Variants in CDC42BPB observed in about 807,000 individuals in gnomAD.
CDC42BPB encodes the protein serine/threonine-protein kinase MRCK beta.
A neutral mutation model predicts 214.9 loss-of-function variants in CDC42BPB; 37 were observed. The ratio of observed to expected loss-of-function variants is 0.17; its 90% CI spans 0.13 to 0.23. CDC42BPB has a LOEUF of 0.23. CDC42BPB is among the 10% of genes least tolerant of loss of function. The probability of loss-of-function intolerance (pLI) is 1.00; values close to 1 mark genes in which losing one functional copy is unlikely to be tolerated. For synonymous variants in CDC42BPB, 931 were observed against 884.0 expected (o/e 1.05, Z -0.94); for missense variants, 1,694 against 2,227.0 (o/e 0.76, Z 4.82).
At chr14:103,002,874 A>ATAT (rs1895053382) in intron 4 of CDC42BPB, among the ~76,000 whole-genome samples, 1 of 152,150 alleles carries the variant, frequency 6.6e-6, no homozygotes, top group Non-Finnish European at 1.5e-5. Flanking sequence ...AAACACATAT[A>ATAT]TATAAAGTCT....
chr14:102,948,593 G>A (rs1441607123), intron 26 of CDC42BPB, among the ~76,000 whole-genome samples: 1 of 57,876 alleles, frequency 1.7e-5, no homozygotes, highest in East Asian at 6.8e-4. Flanking sequence ...TGGGTGCGGA[G>A]GTGGGGTGGG....
At chr14:102,946,985 T>A in intron 27 of CDC42BPB, 1 of 428,616 alleles carries the variant, frequency 2.3e-6, no homozygotes, top group Non-Finnish European at 3.1e-6. Flanking sequence ...GAATAATCAT[T>A]ATAAAAGTAG....
chr14:103,049,744 G>T (rs1198381268), intron 1 of CDC42BPB, among the ~76,000 whole-genome samples: 3 of 152,174 alleles, frequency 2.0e-5, no homozygotes. Flanking sequence ...ACAAAATTTT[G>T]CTCTTGTTGC....
intron 1 of CDC42BPB, among the ~76,000 whole-genome samples, chr14:103,017,869 A>G (rs1886551846): frequency 6.6e-6 from 1 of 152,242 alleles, no homozygotes; most frequent in Non-Finnish European, 1.5e-5. Context: ...CAATGTATCA[A>G]TGCTACATTC....
In CDC42BPB at chr14:102,978,107, A is replaced by C; in HGVS notation, c.1220+19T>G. 1 of 1,570,764 alleles carries C rather than the reference A, an allele frequency of 6.4e-7. No homozygotes were observed. Among genetic ancestry groups the C allele is most frequent in the Middle Eastern group, 1.7e-4 (1 of 6,004 alleles). The stretch of plus-strand genomic sequence containing the variant: ...CACAGGGGAAGTGTCTCCCTGGGGA[A>C]TGATAAATCCAGACATACCTTTCCG... On this transcript the variant is annotated intron_variant, in intron 9 of 36. Transcript: ENST00000361246.
At chr14:102,942,037 C>A (rs1230430047) in intron 30 of CDC42BPB, among the ~76,000 whole-genome samples, 2 of 152,238 alleles carry the variant, frequency 1.3e-5, no homozygotes, top group Non-Finnish European at 2.9e-5. Flanking sequence ...ATACATTGCA[C>A]TAAGTGACCT....
intron 1 of CDC42BPB, among the ~76,000 whole-genome samples, chr14:103,039,115 A>G (rs189560870): frequency 1.3e-5 from 2 of 151,452 alleles, no homozygotes; most frequent in South Asian, 4.1e-4. Context: ...CAACAGGCAC[A>G]AAGATTGAAC....
rs1199518707 is a variant in CDC42BPB at position 103,041,775 on chromosome 14, C to T, written c.175+15224G>A. 3.2e-5 allele frequency: 15 copies of T among 471,076 alleles called. No individual in the cohort carries two copies. The East Asian group carries it at 3.2e-4, about 10-fold the overall frequency. 29.2% of individuals were successfully genotyped at this position (471,076 alleles called of 1,614,324 possible). A position where few individuals can be genotyped will look rare whatever the true frequency, so the allele number is the denominator to read the frequency against. On this transcript the variant is annotated intron_variant, in intron 1 of 36. Transcript: ENST00000361246. ...TCTCTGTGGATCCAAGGAGGCAGTACGAGTCCACCGAGTCCCTGCAGGCCA... is the reference window on the plus strand; with the variant it reads ...TCTCTGTGGATCCAAGGAGGCAGTATGAGTCCACCGAGTCCCTGCAGGCCA...
chr14:102,950,841 C>T (rs1432968615), intron 24 of CDC42BPB: 1 of 216,250 alleles, frequency 4.6e-6, no homozygotes, highest in Non-Finnish European at 7.9e-6. Context: ...TGAAGCGCAC[C>T]TGTAATCCCA....
At chr14:103,027,063 A>C (rs1186429440) in intron 1 of CDC42BPB, among the ~76,000 whole-genome samples, 1 of 152,236 alleles carries the variant, frequency 6.6e-6, no homozygotes, top group Admixed American at 6.5e-5. Flanking sequence ...ATTAATACAA[A>C]TGCCCAATAT....
At chr14:102,971,550 CCA>C (rs1340740733) in intron 13 of CDC42BPB, among the ~76,000 whole-genome samples, 1 of 152,244 alleles carries the variant, frequency 6.6e-6, no homozygotes. Flanking sequence ...TTGGCGCCTC[CCA>C]CAGTGTTGGG....
intron 7 of CDC42BPB, among the ~76,000 whole-genome samples, chr14:102,981,746 C>T (rs1194180761): frequency 1.3e-5 from 2 of 152,198 alleles, no homozygotes; most frequent in Non-Finnish European, 2.9e-5. Flanking sequence ...CACTGCACTC[C>T]AGCCTGGGTG....
At chr14:103,032,932 T>TA (rs201844707) in intron 1 of CDC42BPB, among the ~76,000 whole-genome samples, 25 of 150,722 alleles carry the variant, frequency 1.7e-4, no homozygotes, top group East Asian at 1.6e-3. Flanking sequence ...TCCACTTTTT[T>TA]TAAAAAAAAA....
In CDC42BPB at chr14:102,978,182, G is replaced by C; in HGVS notation, c.1164C>G (p.His388Gln). Residue 388 changes from histidine to glutamine, a missense_variant, in exon 9 of 37, where the codon CAC becomes CAG. Coordinates refer to ENST00000361246, the MANE Select transcript of CDC42BPB (RefSeq NM_006035.4). Reference sequence around the variant, plus strand: ...GCAAATGTAATCCAGAAAAGCCTGTGTGAGAACCAGGAGGTAATATTTCCT... The same window carrying C: ...GCAAATGTAATCCAGAAAAGCCTGTCTGAGAACCAGGAGGTAATATTTCCT... ...RNTEILPPGSHTGFSGLHLPF... is the reference protein window; with the variant it reads ...RNTEILPPGSQTGFSGLHLPF... 6.2e-7 allele frequency: 1 copy of C among 1,613,434 alleles called. No individual in the cohort carries two copies.
intron 21 of CDC42BPB, 135 bp downstream of exon 21, chr14:102,959,496 G>A: frequency 1.6e-6 from 1 of 640,968 alleles, no homozygotes; most frequent in African/African-American, 1.9e-5. Context: ...TACACAGTTA[G>A]CACAACGCTG....
chr14:102,975,828 G>A, intron 10 of CDC42BPB, 25 bp from the exon 11 acceptor site: 23 of 1,614,024 alleles, frequency 1.4e-5, no homozygotes, highest in Non-Finnish European at 1.9e-5. Context: ...GACAGCGTGA[G>A]GTGCAGCCTG....
intron 1 of CDC42BPB, among the ~76,000 whole-genome samples, chr14:103,053,770 A>T (rs1296513927): frequency 6.6e-6 from 1 of 152,102 alleles, no homozygotes; most frequent in East Asian, 1.9e-4. Context: ...TCAAAAAAAA[A>T]AAAAAAAGTT....
At chr14:103,032,154 TCTC>T (rs1887416551) in intron 1 of CDC42BPB, among the ~76,000 whole-genome samples, 1 of 151,944 alleles carries the variant, frequency 6.6e-6, no homozygotes, top group Non-Finnish European at 1.5e-5. Context: ...TTCATTCACT[TCTC>T]CTTGTCCCCC....
At chr14:102,959,753 G>C in intron 20 of CDC42BPB, 43 bp from the exon 21 acceptor site, 1 of 1,476,968 alleles carries the variant, frequency 6.8e-7, no homozygotes, top group East Asian at 2.8e-5. Context: ...AAAAACTAAA[G>C]TCTACATATT....
Sources: allele counts gnomAD v4.1 joint callset (sites outside exome capture counted in the v4.1 genomes callset), GRCh38; gene constraint gnomAD v4.1.1; transcripts MANE v1.5; gene names NCBI Gene and HGNC (gene_info 2026-07-23, HGNC 2026-07-21).